The following STKLD1 variants were observed in gnomAD, a reference collection of about 807,000 sequenced individuals.
The protein encoded by STKLD1 is serine/threonine kinase-like domain-containing protein STKLD1.
A neutral mutation model predicts 80.4 loss-of-function variants in STKLD1; 79 were observed. That is an observed-to-expected ratio of 0.98 (90% CI 0.82 to 1.19). The LOEUF is 1.19. Ranked by LOEUF, STKLD1 falls within the 50% of genes most tolerant of loss-of-function variation. The pLI, the probability that STKLD1 is intolerant of heterozygous loss-of-function variation, is 0.00. For synonymous variants in STKLD1, 393 were observed against 357.6 expected (o/e 1.10, Z -1.12); for missense variants, 841 against 856.0 (o/e 0.98, Z 0.22).
At position 133,404,048 on chromosome 9, in the gene STKLD1, G is replaced by C. The variant is rs1554778216; in HGVS notation, c.1732G>C (p.Glu578Gln). 1.3e-6 allele frequency: 2 copies of C among 1,598,478 alleles called. No individual in the cohort carries two copies. The highest frequency in any genetic ancestry group is 2.2e-5 in the East Asian group (1 of 44,804). The change falls in exon 16 of 18, where the codon GAG (glutamate) becomes CAG (glutamine). Residue 578 changes from glutamate to glutamine, a missense_variant and splice_region_variant. Transcript: ENST00000371957. ...RGLASLVKVS[E>Q]LAAFKVVVQE... ...ACTGGCCAGCCTGGTGAAGGTGTCA[G>C]GTGAGCCTGGGGACAGGACGAGGCT...
At chr9:133,377,393 G>A (rs2130253817) in intron 1 of STKLD1, among the ~76,000 whole-genome samples, 30 of 152,298 alleles carry the variant, frequency 2.0e-4, no homozygotes, top group African/African-American at 4.8e-4. Flanking sequence ...GGCCGGGCTC[G>A]GTGGCTCACG....
In STKLD1 at chr9:133,385,686, G is replaced by A. The variant is rs2130275233; in HGVS notation, c.289G>A (p.Gly97Arg). Reference protein sequence around the residue: ...VYQELFITWNGEISSLYLCLV... With the variant: ...VYQELFITWNREISSLYLCLV... Reference sequence around the variant, plus strand: ...CCAGGAGCTGTTCATCACGTGGAATGGGGAGGTGGGTCAGAGCTGACACCT... The same window carrying A: ...CCAGGAGCTGTTCATCACGTGGAATAGGGAGGTGGGTCAGAGCTGACACCT... Residue 97 changes from glycine (G) to arginine (R), a missense_variant, in exon 4 of 18, where the codon GGG (glycine) becomes AGG (arginine). Physicochemically the swap from Gly to Arg is moderately radical, Grantham distance 125 (BLOSUM62 -2). Coordinates refer to ENST00000371957, the MANE Select transcript of STKLD1 (RefSeq NM_153710.5). This position sits in a 1 kb window ranked among gnomAD's most constrained non-coding sequence, Gnocchi z 4.9. 29 of 1,612,886 alleles carry A rather than the reference G, an allele frequency of 1.8e-5. 1 individual carries two copies. Among genetic ancestry groups the A allele is most frequent in the South Asian group, 1.6e-4 (15 of 91,082 alleles).
Position 133,376,435 on chromosome 9 carries a change from CA to C in STKLD1, c.-38del, listed in dbSNP as rs1837948934. The C allele has an allele frequency of 1.3e-6, 2 of 1,536,864 alleles. No homozygotes were observed. The highest frequency in any genetic ancestry group is 1.2e-5 in the South Asian group (1 of 82,704). On this transcript the variant is annotated 5_prime_UTR_variant, in exon 1 of 18. Coordinates refer to ENST00000371957, the MANE Select transcript of STKLD1 (RefSeq NM_153710.5). Reference sequence around the variant, plus strand: ...CCCACTGACCCACGCGGGGTGGGGCCAGGGGTGGACGCTCGCCCGTACGCGG... The same window carrying C: ...CCCACTGACCCACGCGGGGTGGGGCCGGGGTGGACGCTCGCCCGTACGCGG...
At chr9:133,376,752 C>A (rs2130251169) in intron 1 of STKLD1, among the ~76,000 whole-genome samples, 192 bp downstream of exon 1, 1 of 152,330 alleles carries the variant, frequency 6.6e-6, no homozygotes, top group African/African-American at 2.4e-5. Context: ...ACTCAGTTTC[C>A]CCCTTTGTGA....
At chr9:133,398,714 G>A (rs1026224183) in intron 11 of STKLD1, among the ~76,000 whole-genome samples, 2 of 152,358 alleles carry the variant, frequency 1.3e-5, no homozygotes, top group South Asian at 2.1e-4. Flanking sequence ...AGGGAATTGA[G>A]GCTATAGTGA....
intron 14 of STKLD1, 84 bp from the exon 15 acceptor site, chr9:133,403,616 G>A: frequency 1.3e-6 from 2 of 1,520,382 alleles, no homozygotes; most frequent in Non-Finnish European, 1.8e-6. Context: ...TTAGCTGGAG[G>A]AAGGCAGCAG....
chr9:133,383,918 T>A lies in STKLD1; in HGVS notation c.219+18T>A, dbSNP rs993027230. 6.2e-7 allele frequency: 1 copy of A among 1,613,358 alleles called. No individual in the cohort carries two copies. The highest frequency in any genetic ancestry group is 8.5e-7 in the Non-Finnish European group (1 of 1,179,554). ...TGGAGGAGGTAACTCTCAGGGTAGT[T>A]TTCCCTCTGGAAGAGCTCAATGGAG... On this transcript the variant is annotated intron_variant, in intron 3 of 17. Coordinates refer to ENST00000371957, the MANE Select transcript of STKLD1 (RefSeq NM_153710.5).
In STKLD1 at chr9:133,404,044, G is replaced by C. The variant is rs782274264; in HGVS notation, c.1728G>C (p.Val576=). The change falls in exon 16 of 18, where the codon GTG becomes GTC. Residue 576 remains valine (V), a synonymous_variant. Transcript: ENST00000371957. ...GGGGACTGGCCAGCCTGGTGAAGGT[G>C]TCAGGTGAGCCTGGGGACAGGACGA... ...AYRGLASLVK[V]SELAAFKVVV... 1.9e-6 allele frequency: 3 copies of C among 1,602,110 alleles called. No individual in the cohort carries two copies. In the South Asian group the frequency reaches 3.4e-5, roughly 18 times the overall value.
At position 133,390,858 on chromosome 9, in the gene STKLD1, G is replaced by A. The variant is rs961489805; in HGVS notation, c.583+62G>A. On this transcript the variant is annotated intron_variant, in intron 7 of 17. Coordinates refer to ENST00000371957, the MANE Select transcript of STKLD1 (RefSeq NM_153710.5). The surrounding 1 kb of genome is among the most constrained non-coding windows in gnomAD (Gnocchi z 5.1). ...TGGCGCCTAGAATCCAGGCGGCGTT[G>A]GCCACTCTGGGTGCTGGAGTGAGGC... The A allele has an allele frequency of 5.5e-6, 7 of 1,279,234 alleles. No individual in the cohort carries two copies. Among genetic ancestry groups the A allele is most frequent in the Non-Finnish European group, 8.0e-6 (7 of 877,364 alleles). The allele number at this position is 1,279,234 out of a possible 1,614,324, so 79.2% of individuals were successfully genotyped here.
In STKLD1 at chr9:133,389,161, G is replaced by A. The variant is rs2130283460; in HGVS notation, c.397-365G>A. 1.0e-6 allele frequency: 1 copy of A among 985,408 alleles called. No homozygotes were observed. Among genetic ancestry groups the A allele is most frequent in the East Asian group, 1.1e-4 (1 of 8,806 alleles). The allele number at this position is 985,408 out of a possible 1,614,324, so 61.0% of individuals were successfully genotyped here. Reference sequence around the variant, plus strand: ...AGAGGATTGAGCTCATGTAGGCACTGAAGGCTTCCACCTCTCCCATACCCG... The same window carrying A: ...AGAGGATTGAGCTCATGTAGGCACTAAAGGCTTCCACCTCTCCCATACCCG... On this transcript the variant is annotated intron_variant, in intron 5 of 17. Coordinates refer to ENST00000371957, the MANE Select transcript of STKLD1 (RefSeq NM_153710.5). The surrounding 1 kb of genome is among the most constrained non-coding windows in gnomAD (Gnocchi z 6.4).
In STKLD1 at chr9:133,401,849, A is replaced by G. The variant is rs782278720; in HGVS notation, c.1310A>G (p.Tyr437Cys). The change falls in exon 13 of 18, where the codon TAC becomes TGC. Residue 437 changes from tyrosine to cysteine, a missense_variant. By Grantham distance (194) the Tyr-to-Cys change is radical. Coordinates refer to ENST00000371957, the MANE Select transcript of STKLD1 (RefSeq NM_153710.5). ...PEEEPLLVMV[Y>C]SLLAITTTQE... ...GAGGAGCCACTTCTTGTCATGGTCT[A>G]CAGCCTGCTAGCCATCACCACAACC... The G allele has an allele frequency of 2.5e-6, 4 of 1,613,434 alleles. No individual in the cohort carries two copies. The highest frequency in any genetic ancestry group is 2.7e-5 in the African/African-American group (2 of 74,898).
intron 1 of STKLD1, among the ~76,000 whole-genome samples, chr9:133,377,639 G>C (rs1248164802): frequency 6.6e-6 from 1 of 151,964 alleles, no homozygotes; most frequent in Non-Finnish European, 1.5e-5. Context: ...CTCCAGCCTG[G>C]GCAACAAGAG....
chr9:133,392,884 TTGGA>T (rs1388873838), intron 7 of STKLD1, among the ~76,000 whole-genome samples: 299 of 19,946 alleles, frequency 0.015, 4 homozygotes, highest in Non-Finnish European at 0.019. Flanking sequence ...GGTTAGTGGA[TTGGA>T]TGGATGGATA....
intron 5 of STKLD1, chr9:133,388,999 A>C: frequency 1.0e-6 from 1 of 985,330 alleles, no homozygotes; most frequent in South Asian, 4.7e-5. Flanking sequence ...CCTCTCTGAC[A>C]CCCCAGGGTG....
chr9:133,394,166 CT>C lies in STKLD1; in HGVS notation c.584-123del, dbSNP rs2119231585. On this transcript the variant is annotated intron_variant, in intron 7 of 17. Coordinates refer to ENST00000371957, the MANE Select transcript of STKLD1 (RefSeq NM_153710.5). This position sits in a 1 kb window ranked among gnomAD's most constrained non-coding sequence, Gnocchi z 4.9. ...TCTTCTGAGAAGAGGACCTGCAGGG[CT>C]TGTGTTTCAAGCTGCTTGCGGGGGG... 1.4e-6 allele frequency: 1 copy of C among 705,198 alleles called. No individual in the cohort carries two copies. Among genetic ancestry groups the C allele is most frequent in the South Asian group, 1.6e-5 (1 of 61,460 alleles). The allele number at this position is 705,198 out of a possible 1,614,324, so 43.7% of individuals were successfully genotyped here. A position where few individuals can be genotyped will look rare whatever the true frequency, so the allele number is the denominator to read the frequency against.
At position 133,404,585 on chromosome 9, in the gene STKLD1, G is replaced by A. The variant is rs144020416; in HGVS notation, c.1733-204G>A. On this transcript the variant is annotated intron_variant, in intron 16 of 17. Transcript: ENST00000371957. ...GACAACGACCCCTTTGGCTCTGGGGGGGCTGCCTCCTCTGTTCTTGCATGG... is the reference window on the plus strand; with the variant it reads ...GACAACGACCCCTTTGGCTCTGGGGAGGCTGCCTCCTCTGTTCTTGCATGG... Among the ~76,000 whole-genome samples, 369 of 152,292 alleles carry A rather than the reference G, an allele frequency of 2.4e-3. 1 individual carries two copies. The highest frequency in any genetic ancestry group is 3.8e-3 in the Non-Finnish European group (259 of 68,014).
At chr9:133,379,607 G>T (rs1042079107) in intron 2 of STKLD1, among the ~76,000 whole-genome samples, 1 of 152,170 alleles carries the variant, frequency 6.6e-6, no homozygotes, top group Non-Finnish European at 1.5e-5. Flanking sequence ...CTGGCTCAAG[G>T]TCACACAGGG....
intron 13 of STKLD1, among the ~76,000 whole-genome samples, chr9:133,402,157 C>T (rs1838722339): frequency 6.6e-6 from 1 of 152,226 alleles, no homozygotes; most frequent in Non-Finnish European, 1.5e-5. Flanking sequence ...CATCTCTTTC[C>T]CACACTTCCT....
intron 5 of STKLD1, chr9:133,387,830 C>A: frequency 1.8e-6 from 1 of 558,202 alleles, no homozygotes; most frequent in Admixed American, 2.2e-5. Context: ...TTCTGCCGGT[C>A]CCTGAAGTTC....
Sources: gnomAD v4.1 joint callset for allele counts (sites outside exome capture counted in the v4.1 genomes callset) on GRCh38, gnomAD v4.1.1 for gene constraint, Gnocchi (gnomAD v3.1) non-coding constraint, MANE v1.5 for transcripts, NCBI Gene and HGNC (gene_info 2026-07-23, HGNC 2026-07-21) for gene names.